Variants in MFAP3 observed in about 807,000 individuals in gnomAD.
The protein encoded by MFAP3 is microfibril associated protein 3.
MFAP3 carries 8 observed loss-of-function variants against 20.5 expected under a neutral mutation model. That is an observed-to-expected ratio of 0.39 (90% confidence interval 0.23 to 0.70). The LOEUF (loss-of-function observed/expected upper bound fraction) is 0.70. Ranked by LOEUF, MFAP3 falls within the 30% of genes least tolerant of loss-of-function variation. MFAP3 has a pLI of 0.44. For missense variants in MFAP3, 398 were observed against 444.6 expected, an observed-to-expected ratio of 0.90 and a Z score of 0.94; for synonymous variants, 140 against 154.0, an observed-to-expected ratio of 0.91 and a Z score of 0.67.
chr5:154,040,347 A>G (rs1388160063), intron 1 of MFAP3, among the ~76,000 whole-genome samples: 1 of 152,260 alleles, frequency 6.6e-6, no homozygotes, highest in Non-Finnish European at 1.5e-5. Context: ...ATTATTGAGA[A>G]TGGCATTGTT....
chr5:154,046,407 C>A (rs1773073617), intron 1 of MFAP3, among the ~76,000 whole-genome samples: 1 of 152,154 alleles, frequency 6.6e-6, no homozygotes, highest in African/African-American at 2.4e-5. Context: ...ATTTATTGAG[C>A]ATGTGCTAGT....
chr5:154,042,375 C>T (rs816039), intron 1 of MFAP3, among the ~76,000 whole-genome samples: 2 of 151,960 alleles, frequency 1.3e-5, no homozygotes, highest in Non-Finnish European at 2.9e-5. Context: ...TAAATACAGA[C>T]GATGTTTCTC....
intron 2 of MFAP3, chr5:154,051,900 T>C (rs1018377742): frequency 4.6e-5 from 7 of 152,116 alleles, no homozygotes; most frequent in Admixed American, 4.6e-4. Context: ...TAACCTCCTC[T>C]GGGACACCTC....
Position 154,055,924 on chromosome 5 carries a change from C to A in MFAP3, c.*2211C>A, listed in dbSNP as rs1314643116. Among the ~76,000 whole-genome samples the A allele has an allele frequency of 6.6e-6, 1 of 152,088 alleles. No individual in the cohort carries two copies. The highest frequency in any genetic ancestry group is 1.5e-5 in the Non-Finnish European group (1 of 68,016). On this transcript the variant is annotated 3_prime_UTR_variant, in exon 3 of 3. Transcript: ENST00000522782. ...TGCCTGGCCAAAAAACATTTTAAAT[C>A]CCTTGTCTGGGGGTCAGTCCTCTAA...
At chr5:154,040,512 C>T (rs1470760002) in intron 1 of MFAP3, among the ~76,000 whole-genome samples, 1 of 152,138 alleles carries the variant, frequency 6.6e-6, no homozygotes, top group African/African-American at 2.4e-5. Flanking sequence ...AGGGATATGT[C>T]CTAATATTAT....
At chr5:154,047,458 G>A (rs1455637760) in intron 1 of MFAP3, among the ~76,000 whole-genome samples, 1 of 152,144 alleles carries the variant, frequency 6.6e-6, no homozygotes, top group Non-Finnish European at 1.5e-5. Flanking sequence ...GAAGGAGATG[G>A]CAGGTTAAGA....
intron 1 of MFAP3, among the ~76,000 whole-genome samples, chr5:154,043,741 T>TAC (rs879494087): frequency 1.0e-5 from 1 of 96,102 alleles, no homozygotes; most frequent in African/African-American, 4.1e-5. Context: ...TATATATATA[T>TAC]ATTTTTTTTT....
In MFAP3 at chr5:154,044,937, T is replaced by TAA. The variant is rs36081972; in HGVS notation, c.-166-4609_-166-4608dup. On this transcript the variant is annotated intron_variant, in intron 1 of 2. Coordinates refer to ENST00000522782, the MANE Select transcript of MFAP3 (RefSeq NM_005927.5). ...AATTTAATAAAGTTGTTTCTTTTTT[T>TAA]AAAAAAAAAAAAGGGTCACAGGAGT... Among the ~76,000 whole-genome samples, 303 of 145,822 alleles carry TAA rather than the reference T, an allele frequency of 2.1e-3. 2 individuals are homozygous for TAA. The highest frequency in any genetic ancestry group is 1.1e-3 in the South Asian group (5 of 4,528).
chr5:154,053,299 C>A lies in MFAP3; in HGVS notation c.675C>A (p.Thr225=). ...LELAKVTQFK[T]MEFARYIEEL... ...TCGCCAAAGTCACACAATTTAAGAC[C>A]ATGGAGTTTGCTCGTTATATTGAAG... Residue 225 remains threonine (T), a synonymous_variant, in exon 3 of 3, where the codon ACC becomes ACA. Coordinates refer to ENST00000522782, the MANE Select transcript of MFAP3 (RefSeq NM_005927.5). 1.2e-6 allele frequency: 2 copies of A among 1,614,022 alleles called. No homozygotes were observed. Among genetic ancestry groups the A allele is most frequent in the Non-Finnish European group, 1.7e-6 (2 of 1,179,936 alleles).
rs922572874 is a variant in MFAP3 at position 154,049,667 on chromosome 5, T to C, written c.-56T>C. ...TAAATTACCCGCTGTGCTTTTGTTG[T>C]AGTGTAGAAGTTTTTGAGTTCTCCA... On this transcript the variant is annotated 5_prime_UTR_variant, in exon 2 of 3. Transcript: ENST00000522782. 1 of 1,521,414 alleles carries C rather than the reference T, an allele frequency of 6.6e-7. No homozygotes were observed. Among genetic ancestry groups the C allele is most frequent in the Non-Finnish European group, 8.9e-7 (1 of 1,119,560 alleles). 94.2% of individuals were successfully genotyped at this position (1,521,414 alleles called of 1,614,324 possible). A position where few individuals can be genotyped will look rare whatever the true frequency, so the allele number is the denominator to read the frequency against.
rs561298267 is a variant in MFAP3, at chr5:154,053,721, T to C, written c.*8T>C. On this transcript the variant is annotated 3_prime_UTR_variant, in exon 3 of 3. Transcript: ENST00000522782. ...GAAAACTGTCAGCTGTAACCTACAA[T>C]GCTGTAACCCAGTACCTACAAAATC... 3.1e-6 allele frequency: 5 copies of C among 1,601,582 alleles called. No homozygotes were observed. Among genetic ancestry groups the C allele is most frequent in the Admixed American group, 1.7e-5 (1 of 59,420 alleles).
Position 154,051,405 on chromosome 5 carries a change from T to C in MFAP3, c.295+1388T>C, listed in dbSNP as rs147664266. ...CTTTGAAAACCACTAACATCTATCATTGATGCTTTCAGCAGCAGCTCTGGA... is the reference window on the plus strand; with the variant it reads ...CTTTGAAAACCACTAACATCTATCACTGATGCTTTCAGCAGCAGCTCTGGA... On this transcript the variant is annotated intron_variant, in intron 2 of 2. Transcript: ENST00000522782. 3.4e-3 allele frequency among the ~76,000 whole-genome samples: 520 copies of C among 152,380 alleles called. 7 individuals are homozygous for C. Among genetic ancestry groups the C allele is most frequent in the African/African-American group, 0.012 (493 of 41,592 alleles).
In MFAP3 at chr5:154,055,180, C is replaced by A. The variant is rs958416067; in HGVS notation, c.*1467C>A. ...GGCTTCACGTTTCTTCATATGACTT[C>A]TGATTATTGAAGCATTACTTCAGCT... On this transcript the variant is annotated 3_prime_UTR_variant, in exon 3 of 3. Transcript: ENST00000522782. The A allele has an allele frequency of 6.0e-6, 1 of 167,024 alleles. No homozygotes were observed. The highest frequency in any genetic ancestry group is 1.5e-5 in the Non-Finnish European group (1 of 68,116). The allele number at this position is 167,024 out of a possible 1,614,324, so 10.3% of individuals were successfully genotyped here.
intron 2 of MFAP3, among the ~76,000 whole-genome samples, chr5:154,052,134 A>G (rs1171020662): frequency 6.6e-6 from 1 of 152,164 alleles, no homozygotes; most frequent in Admixed American, 6.6e-5. Context: ...CTGAATGAAA[A>G]TACCTTCACG....
Position 154,053,510 on chromosome 5 carries a change from C to T in MFAP3, c.886C>T (p.Pro296Ser), listed in dbSNP as rs764600588. ...CCCAGAGATGGGACGGAGTAATTCACCAGGAGGAGATTCAGATGATGGCTC... is the reference window on the plus strand; with the variant it reads ...CCCAGAGATGGGACGGAGTAATTCATCAGGAGGAGATTCAGATGATGGCTC... Reference protein sequence around the residue: ...INPEMGRSNSPGGDSDDGSLN... With the variant: ...INPEMGRSNSSGGDSDDGSLN... The change falls in exon 3 of 3, where the codon CCA becomes TCA. Residue 296 changes from proline to serine, a missense_variant. Transcript: ENST00000522782. 6.2e-7 allele frequency: 1 copy of T among 1,613,700 alleles called. No individual in the cohort carries two copies. The highest frequency in any genetic ancestry group is 1.7e-5 in the Admixed American group (1 of 59,964).
intron 1 of MFAP3, among the ~76,000 whole-genome samples, chr5:154,040,576 T>A (rs1305853446): frequency 6.6e-6 from 1 of 152,170 alleles, no homozygotes; most frequent in Non-Finnish European, 1.5e-5. Context: ...GCACCACACT[T>A]TTGAGAATTA....
chr5:154,047,080 A>G (rs915184555), intron 1 of MFAP3, among the ~76,000 whole-genome samples: 1 of 151,354 alleles, frequency 6.6e-6, no homozygotes, highest in African/African-American at 2.4e-5. Flanking sequence ...GACCCCTCTC[A>G]TTTTTCCCTG....
At position 154,056,152 on chromosome 5, in the gene MFAP3, TG is replaced by T. The variant is rs978729293; in HGVS notation, c.*2440del. On this transcript the variant is annotated 3_prime_UTR_variant, in exon 3 of 3. Transcript: ENST00000522782. ...CAGAACTTTGGAAAAATGGAGGAAA[TG>T]TTTTTAAAGTCTGTAAGTTTGCACG... 2.0e-5 allele frequency among the ~76,000 whole-genome samples: 3 copies of T among 152,174 alleles called. No individual in the cohort carries two copies. Among genetic ancestry groups the T allele is most frequent in the Non-Finnish European group, 2.9e-5 (2 of 68,024 alleles).
chr5:154,043,476 G>T (rs986131246), intron 1 of MFAP3, among the ~76,000 whole-genome samples: 3 of 150,946 alleles, frequency 2.0e-5, no homozygotes, highest in Admixed American at 6.6e-5. Context: ...GCTTGAACCT[G>T]GGGGGTGGAG....
Sources: allele counts gnomAD v4.1 joint callset (sites outside exome capture counted in the v4.1 genomes callset), GRCh38; gene constraint gnomAD v4.1.1; transcripts MANE v1.5; gene names NCBI Gene and HGNC (gene_info 2026-07-23, HGNC 2026-07-21).